EPHA6: variants seen among roughly 807,000 people sequenced by gnomAD.
The protein encoded by EPHA6 is ephrin type-A receptor 6.
Under a neutral mutation model 112.0 loss-of-function variants are expected in EPHA6, and 50 were observed. That is an observed-to-expected ratio of 0.45 (90% CI 0.36 to 0.56). The LOEUF (loss-of-function observed/expected upper bound fraction) is 0.56, where lower values mean the gene tolerates loss of function less well. Ranked by LOEUF, EPHA6 falls within the 20% of genes least tolerant of loss-of-function variation. EPHA6 has a pLI of 0.00. For synonymous variants in EPHA6, 529 were observed against 490.7 expected (o/e 1.08, Z -1.03); for missense variants, 1,280 against 1,417.4 (o/e 0.90, Z 1.56).
chr3:97,098,138 A>G (rs2047298836), intron 3 of EPHA6, among the ~76,000 whole-genome samples: 1 of 151,878 alleles, frequency 6.6e-6, no homozygotes. Context: ...GGTATCATTA[A>G]TGCTCTCATT....
intron 3 of EPHA6, among the ~76,000 whole-genome samples, chr3:97,206,757 AC>A (rs1191785951): frequency 2.0e-5 from 3 of 151,978 alleles, no homozygotes; most frequent in African/African-American, 7.2e-5. Flanking sequence ...TTCAACCTAT[AC>A]CCCCCTACTT....
intron 5 of EPHA6, among the ~76,000 whole-genome samples, chr3:97,275,314 T>G (rs868817169): frequency 5.9e-5 from 9 of 152,302 alleles, no homozygotes; most frequent in Admixed American, 4.6e-4. Flanking sequence ...AATTTGGGCT[T>G]GACTGAAGTA....
intron 5 of EPHA6, among the ~76,000 whole-genome samples, chr3:97,360,552 A>C (rs1170499176): frequency 6.6e-6 from 1 of 152,192 alleles, no homozygotes; most frequent in East Asian, 1.9e-4. Flanking sequence ...GTCAGGATAA[A>C]TTTTATTCCT....
Position 97,341,803 on chromosome 3 carries a change from C to T in EPHA6, c.1607-63347C>T, listed in dbSNP as rs572815078. ...TATTCTCTTTCTCAACGTACCTTTC[C>T]GTGTTCCATGCCTTCATATATTTAT... On this transcript the variant is annotated intron_variant, in intron 5 of 17. Transcript: ENST00000389672. Among the ~76,000 whole-genome samples the T allele has an allele frequency of 7.9e-5, 12 of 152,224 alleles. No homozygotes were observed. The South Asian group carries it at 1.5e-3, about 18-fold the overall frequency.
chr3:96,957,207 G>A (rs1030894256), intron 2 of EPHA6, among the ~76,000 whole-genome samples: 7 of 152,098 alleles, frequency 4.6e-5, no homozygotes, highest in African/African-American at 1.7e-4. Context: ...TTGGATAAGA[G>A]TAATGGCATT....
At chr3:97,586,213 C>T (rs2093486092) in intron 11 of EPHA6, among the ~76,000 whole-genome samples, 1 of 152,210 alleles carries the variant, frequency 6.6e-6, no homozygotes. Context: ...AACTCCCAGC[C>T]ATCCCACCTC....
At chr3:97,641,635 G>T (rs992646972) in intron 14 of EPHA6, among the ~76,000 whole-genome samples, 7 of 152,336 alleles carry the variant, frequency 4.6e-5, no homozygotes, top group Admixed American at 3.3e-4. Flanking sequence ...CTTGGGAAGC[G>T]CAAGGGGTCG....
At chr3:96,851,044 C>G (rs893690368) in intron 1 of EPHA6, among the ~76,000 whole-genome samples, 2 of 152,054 alleles carry the variant, frequency 1.3e-5, no homozygotes, top group African/African-American at 2.4e-5. Flanking sequence ...TATTCTATGT[C>G]TTGTTTCCCC....
At chr3:97,278,088 G>T (rs535241265) in intron 5 of EPHA6, among the ~76,000 whole-genome samples, 58 of 152,278 alleles carry the variant, frequency 3.8e-4, no homozygotes, top group Non-Finnish European at 5.6e-4. Flanking sequence ...TACTTAAGTT[G>T]TTTCTAACTC....
intron 5 of EPHA6, among the ~76,000 whole-genome samples, chr3:97,383,549 A>G (rs1024351679): frequency 2.1e-4 from 32 of 152,234 alleles, no homozygotes; most frequent in African/African-American, 7.0e-4. Context: ...ACTGATGTAC[A>G]ATTAACATGA....
At chr3:96,941,326 C>T (rs1451476723) in intron 2 of EPHA6, among the ~76,000 whole-genome samples, 1 of 152,022 alleles carries the variant, frequency 6.6e-6, no homozygotes, top group South Asian at 2.1e-4. Context: ...CTAAACTTCC[C>T]TTCTCGCTTC....
intron 2 of EPHA6, among the ~76,000 whole-genome samples, chr3:96,888,455 A>C (rs1470107822): frequency 6.6e-6 from 1 of 151,864 alleles, no homozygotes; most frequent in African/African-American, 2.4e-5. Flanking sequence ...CTTCCCTCAG[A>C]GGGTCTGTGG....
At chr3:97,242,255 G>A (rs1396274342) in intron 4 of EPHA6, among the ~76,000 whole-genome samples, 2 of 151,746 alleles carry the variant, frequency 1.3e-5, no homozygotes, top group Non-Finnish European at 2.9e-5. Context: ...GCTTCTTCCT[G>A]TTCCTTAAAT....
intron 11 of EPHA6, chr3:97,559,467 A>C (rs1191606342): frequency 1.2e-5 from 4 of 320,296 alleles, no homozygotes; most frequent in Admixed American, 4.4e-5. Context: ...TCTAGAAACA[A>C]AGAAATTCTG....
chr3:97,556,413 G>T (rs1414680230), intron 11 of EPHA6, among the ~76,000 whole-genome samples: 1 of 152,010 alleles, frequency 6.6e-6, no homozygotes, highest in Non-Finnish European at 1.5e-5. Flanking sequence ...TGGCTGGGGG[G>T]TCCTCAGGAA....
chr3:97,361,315 T>C (rs1410903750), intron 5 of EPHA6, among the ~76,000 whole-genome samples: 1 of 152,184 alleles, frequency 6.6e-6, no homozygotes, highest in African/African-American at 2.4e-5. Flanking sequence ...CTTGAGTCTT[T>C]TGCAAAAATG....
chr3:97,484,551 T>A (rs1274180791), intron 10 of EPHA6, among the ~76,000 whole-genome samples: 1 of 152,232 alleles, frequency 6.6e-6, no homozygotes, highest in Admixed American at 6.5e-5. Flanking sequence ...CATTTTATTA[T>A]TCAACTATCC....
At position 97,752,494 on chromosome 3, in the gene EPHA6, C is replaced by G. The variant is rs56313493; in HGVS notation, c.*3793C>G. 622 of 220,348 alleles carry G rather than the reference C, an allele frequency of 2.8e-3. 5 individuals carry two copies. Among genetic ancestry groups the G allele is most frequent in the African/African-American group, 0.012 (552 of 44,738 alleles). 13.6% of individuals were successfully genotyped at this position (220,348 alleles called of 1,614,324 possible). A position where few individuals can be genotyped will look rare whatever the true frequency, so the allele number is the denominator to read the frequency against. ...TGTTTTTAATTCCCCCATCCTCTCT[C>G]TTTATTCCTTTCTCAGCTTCTATCA... On this transcript the variant is annotated 3_prime_UTR_variant, in exon 18 of 18. Transcript: ENST00000389672.
At chr3:96,981,907 T>G (rs2042806966) in intron 2 of EPHA6, among the ~76,000 whole-genome samples, 1 of 152,186 alleles carries the variant, frequency 6.6e-6, no homozygotes, top group African/African-American at 2.4e-5. Context: ...GATATCCCCT[T>G]TATCATTTTT....
Sources: allele counts gnomAD v4.1 joint callset (sites outside exome capture counted in the v4.1 genomes callset), GRCh38; gene constraint gnomAD v4.1.1; transcripts MANE v1.5; gene names NCBI Gene and HGNC (gene_info 2026-07-23, HGNC 2026-07-21).